PLCB1: variants seen among roughly 807,000 people sequenced by gnomAD.
PLCB1 encodes phospholipase C beta 1, also known as 1-phosphatidylinositol 4,5-bisphosphate phosphodiesterase beta-1.
In PLCB1, 46 loss-of-function variants were observed where a neutral mutation model predicts 161.8. The ratio of observed to expected loss-of-function variants is 0.28; its 90% CI spans 0.22 to 0.36. PLCB1 has a LOEUF of 0.36. Among genes scored for constraint, PLCB1 ranks in the 10% least tolerant of loss-of-function variants. The pLI is 1.00. For synonymous variants in PLCB1, 517 were observed against 503.7 expected (o/e 1.03, Z -0.35); for missense variants, 1,016 against 1,472.5 (o/e 0.69, Z 5.07).
intron 3 of PLCB1, among the ~76,000 whole-genome samples, chr20:8,516,858 T>C (rs1184069774): frequency 6.6e-6 from 1 of 151,924 alleles, no homozygotes. Context: ...AGATTTCCTA[T>C]GTGCCCTTTG....
chr20:8,521,097 G>T (rs1005499614), intron 3 of PLCB1, among the ~76,000 whole-genome samples: 1 of 152,134 alleles, frequency 6.6e-6, no homozygotes, highest in African/African-American at 2.4e-5. Flanking sequence ...AAAAGAAAAG[G>T]CTAATTATAA....
intron 2 of PLCB1, among the ~76,000 whole-genome samples, chr20:8,195,864 C>G (rs938785875): frequency 1.3e-5 from 2 of 152,074 alleles, no homozygotes; most frequent in Admixed American, 6.6e-5. Flanking sequence ...TTAGTCGATT[C>G]TCACACTGGT....
intron 31 of PLCB1, 84 bp from the exon 32 acceptor site, chr20:8,881,538 T>C (rs1204944937): frequency 3.1e-6 from 3 of 972,138 alleles, no homozygotes; most frequent in Non-Finnish European, 4.9e-6. Context: ...GCCCCTTTTG[T>C]ATATCTCTTT....
At chr20:8,655,677 G>T (rs527484647) in intron 7 of PLCB1, among the ~76,000 whole-genome samples, 1 of 152,114 alleles carries the variant, frequency 6.6e-6, no homozygotes, top group East Asian at 1.9e-4. Context: ...GGGGAATGAG[G>T]TGAACTCTTT....
At chr20:8,346,088 G>T (rs905239653) in intron 2 of PLCB1, among the ~76,000 whole-genome samples, 2 of 152,132 alleles carry the variant, frequency 1.3e-5, no homozygotes, top group African/African-American at 2.4e-5. Context: ...GATTTCTATC[G>T]TGTTTTTAAA....
chr20:8,796,557 A>C (rs1651822254), intron 31 of PLCB1, among the ~76,000 whole-genome samples: 1 of 152,174 alleles, frequency 6.6e-6, no homozygotes, highest in Non-Finnish European at 1.5e-5. Context: ...GCTTATAGAC[A>C]GTGTTTCTGC....
intron 5 of PLCB1, among the ~76,000 whole-genome samples, chr20:8,647,214 C>G (rs1277817692): frequency 6.6e-6 from 1 of 152,108 alleles, no homozygotes; most frequent in African/African-American, 2.4e-5. Context: ...AATATGTTTT[C>G]CAGACAATGT....
intron 23 of PLCB1, chr20:8,751,411 C>A (rs998987382): frequency 6.6e-6 from 1 of 152,190 alleles, no homozygotes; most frequent in African/African-American, 2.4e-5. Flanking sequence ...TCCAAACTTT[C>A]AATGCCCAGG....
At chr20:8,844,285 C>T (rs548814520) in intron 31 of PLCB1, among the ~76,000 whole-genome samples, 5 of 152,078 alleles carry the variant, frequency 3.3e-5, no homozygotes, top group Non-Finnish European at 7.4e-5. Flanking sequence ...GGGTTTAGTC[C>T]ATTTGGTGAG....
chr20:8,809,644 TG>T (rs760775516), intron 31 of PLCB1, among the ~76,000 whole-genome samples: 4 of 152,230 alleles, frequency 2.6e-5, no homozygotes, highest in Non-Finnish European at 5.9e-5. Flanking sequence ...AGTATTTATC[TG>T]GAGTTCCTGT....
intron 2 of PLCB1, among the ~76,000 whole-genome samples, chr20:8,354,006 T>G (rs1194555860): frequency 6.7e-6 from 1 of 148,674 alleles, no homozygotes; most frequent in Non-Finnish European, 1.5e-5. Flanking sequence ...TATTCTAGAA[T>G]AGAAGGCTAT....
chr20:8,789,427 A>C (rs1165458233), intron 29 of PLCB1, 91 bp from the exon 30 acceptor site: 1 of 827,678 alleles, frequency 1.2e-6, no homozygotes, highest in Non-Finnish European at 2.1e-6. Context: ...GAATGTTGAG[A>C]GTTCTGTAAC....
Position 8,632,026 on chromosome 20 carries a change from TTTTTTTTGC to T in PLCB1, c.384+3603_384+3611del, listed in dbSNP as rs1327565208. Among the ~76,000 whole-genome samples the T allele has an allele frequency of 6.5e-4, 59 of 90,796 alleles. 2 individuals carry two copies. The highest frequency in any genetic ancestry group is 1.3e-3 in the East Asian group (5 of 3,706). The allele number at this position is 90,796 out of a possible 152,430, so 59.6% of individuals were successfully genotyped here. On this transcript the variant is annotated intron_variant, in intron 4 of 31. Transcript: ENST00000338037. ...TACTCCTGGAGGAGACAAATATGGG[TTTTTTTTGC>T]TTTTTTTTTTTTTTTTTTTTTTTTT...
At chr20:8,634,626 C>A (rs984733230) in intron 4 of PLCB1, among the ~76,000 whole-genome samples, 7 of 152,220 alleles carry the variant, frequency 4.6e-5, no homozygotes, top group African/African-American at 1.7e-4. Flanking sequence ...TCTGCCTGCT[C>A]ATCTGCATAA....
chr20:8,452,312 A>G (rs227130), intron 3 of PLCB1, among the ~76,000 whole-genome samples: 97,905 of 152,006 alleles, frequency 0.64, 31,726 homozygotes, highest in East Asian at 0.71. Flanking sequence ...GGTGATCAGG[A>G]CACTCCCAGG....
In PLCB1 at chr20:8,204,592, A is replaced by G. The variant is rs144730210; in HGVS notation, c.177+54221A>G. Among the ~76,000 whole-genome samples, 35 of 152,036 alleles carry G rather than the reference A, an allele frequency of 2.3e-4. No homozygotes were observed. The East Asian group carries it at 5.0e-3, about 22-fold the overall frequency. On this transcript the variant is annotated intron_variant, in intron 2 of 31. Transcript: ENST00000338037. ...CCTTCCACCCAACCTTGCTCCCACCATGTGAGATGCTGGCTTCCCCTTTTG... is the reference window on the plus strand; with the variant it reads ...CCTTCCACCCAACCTTGCTCCCACCGTGTGAGATGCTGGCTTCCCCTTTTG...
intron 3 of PLCB1, among the ~76,000 whole-genome samples, chr20:8,625,527 A>C (rs1462886381): frequency 6.6e-6 from 1 of 152,246 alleles, no homozygotes; most frequent in Admixed American, 6.5e-5. Context: ...GCTGGAAAAG[A>C]AAGCAAAGCA....
chr20:8,405,624 A>C (rs1978753296), intron 3 of PLCB1, among the ~76,000 whole-genome samples: 2 of 152,210 alleles, frequency 1.3e-5, no homozygotes, highest in Admixed American at 6.5e-5. Context: ...GGTTGTTTCC[A>C]GTGAAATCAA....
chr20:8,511,263 A>T (rs977651483), intron 3 of PLCB1, among the ~76,000 whole-genome samples: 4 of 152,164 alleles, frequency 2.6e-5, no homozygotes, highest in Non-Finnish European at 5.9e-5. Context: ...ACTTAGCGTA[A>T]CTTCCTCCAA....
Sources: gnomAD v4.1 joint callset for allele counts (sites outside exome capture counted in the v4.1 genomes callset) on GRCh38, gnomAD v4.1.1 for gene constraint, MANE v1.5 for transcripts, NCBI Gene and HGNC (gene_info 2026-07-23, HGNC 2026-07-21) for gene names.